Variants in INTS9 observed in about 807,000 individuals in gnomAD.
INTS9 encodes the protein protein related to CPSF subunits of 74 kDa.
INTS9 carries 55 observed loss-of-function variants against 79.7 expected under a neutral mutation model. The observed-to-expected ratio is 0.69, with a 90% CI of 0.56 to 0.86. The LOEUF is 0.86. Ranked by LOEUF, INTS9 falls within the 40% of genes least tolerant of loss-of-function variation. The probability of loss-of-function intolerance (pLI) is 0.00; values close to 1 mark genes in which losing one functional copy is unlikely to be tolerated. For synonymous variants in INTS9, 319 were observed against 325.2 expected, an observed-to-expected ratio of 0.98 and a Z score of 0.20; for missense variants, 721 against 831.5, an observed-to-expected ratio of 0.87 and a Z score of 1.64.
At chr8:28,782,537 A>G (rs1257377898) in intron 11 of INTS9, among the ~76,000 whole-genome samples, 2 of 152,272 alleles carry the variant, frequency 1.3e-5, no homozygotes, top group Non-Finnish European at 2.9e-5. Flanking sequence ...GTGTGCACAC[A>G]TGCACACATA....
chr8:28,800,190 C>T (rs1804444259), intron 8 of INTS9, among the ~76,000 whole-genome samples: 1 of 152,206 alleles, frequency 6.6e-6, no homozygotes, highest in Non-Finnish European at 1.5e-5. Context: ...ATTTACTAAA[C>T]AAACATTTGC....
At chr8:28,768,469 G>C in intron 16 of INTS9, 147 bp from the exon 17 acceptor site, 1 of 722,364 alleles carries the variant, frequency 1.4e-6, no homozygotes, top group South Asian at 1.6e-5. Context: ...CTATGATAGT[G>C]ATAGTTTCTT....
At chr8:28,802,967 T>C (rs62502773) in intron 8 of INTS9, among the ~76,000 whole-genome samples, 1 of 149,228 alleles carries the variant, frequency 6.7e-6, no homozygotes, top group African/African-American at 2.5e-5. Context: ...AAAAAAAAAT[T>C]AGCCAGATGT....
chr8:28,788,419 C>T (rs1803737894), intron 10 of INTS9, among the ~76,000 whole-genome samples: 1 of 152,164 alleles, frequency 6.6e-6, no homozygotes, highest in South Asian at 2.1e-4. Flanking sequence ...CTGTTTTTGT[C>T]CATGCACTTT....
chr8:28,881,136 C>A (rs1159322264), intron 1 of INTS9, among the ~76,000 whole-genome samples: 4 of 141,516 alleles, frequency 2.8e-5, no homozygotes, highest in Admixed American at 1.3e-4. Flanking sequence ...GGGGGGTCAG[C>A]CCCCCGCCCG....
At chr8:28,824,807 T>C (rs867103758) in intron 6 of INTS9, among the ~76,000 whole-genome samples, 1 of 152,216 alleles carries the variant, frequency 6.6e-6, no homozygotes, top group African/African-American at 2.4e-5. Flanking sequence ...TAGGTTTACA[T>C]CTGGGAGTTA....
In INTS9 at chr8:28,878,890, G is replaced by C. The variant is rs534535586; in HGVS notation, c.9+10984C>G. Among the ~76,000 whole-genome samples, 169 of 151,770 alleles carry C rather than the reference G, an allele frequency of 1.1e-3. 1 individual carries two copies. The highest frequency in any genetic ancestry group is 4.0e-3 in the African/African-American group (164 of 41,370). On this transcript the variant is annotated intron_variant, in intron 1 of 16. Transcript: ENST00000521022. ...AGCTATTCTGGAGGCTGAGGCATGA[G>C]AATCGCTTGAGCCCGGGAGGTAGAG...
chr8:28,811,958 G>A (rs1178580150), intron 8 of INTS9, among the ~76,000 whole-genome samples: 2 of 152,160 alleles, frequency 1.3e-5, no homozygotes, highest in Non-Finnish European at 2.9e-5. Flanking sequence ...TGCTTTGCCC[G>A]TTGGTCACCA....
At chr8:28,881,165 G>C (rs1356705679) in intron 1 of INTS9, among the ~76,000 whole-genome samples, 1 of 148,910 alleles carries the variant, frequency 6.7e-6, no homozygotes, top group African/African-American at 2.5e-5. Context: ...CCCCGTCCGG[G>C]AGGTGAGGGG....
chr8:28,817,630 T>C (rs1162753654), intron 6 of INTS9, among the ~76,000 whole-genome samples: 2 of 151,876 alleles, frequency 1.3e-5, no homozygotes, highest in Non-Finnish European at 2.9e-5. Context: ...ACTGACTTGG[T>C]GATGTGGGCT....
intron 1 of INTS9, among the ~76,000 whole-genome samples, chr8:28,879,984 TAA>T (rs1210649564): frequency 1.3e-5 from 2 of 152,108 alleles, no homozygotes; most frequent in Non-Finnish European, 2.9e-5. Flanking sequence ...TGAAATCTAC[TAA>T]AAGTCATTGA....
intron 8 of INTS9, among the ~76,000 whole-genome samples, chr8:28,801,505 AC>A (rs34969103): frequency 0.72 from 107,282 of 149,974 alleles, 38,491 homozygotes; most frequent in Non-Finnish European, 0.76. Flanking sequence ...AAACAAACAA[AC>A]AAAAAAACAA....
chr8:28,816,045 T>G (rs1292722761), intron 6 of INTS9, among the ~76,000 whole-genome samples: 1 of 151,796 alleles, frequency 6.6e-6, no homozygotes, highest in Admixed American at 6.6e-5. Flanking sequence ...CAATGTTTAA[T>G]ATTAGAAAAA....
rs1312527489 is a variant in INTS9, at chr8:28,870,312, A to G, written c.10-10749T>C. 3.9e-5 allele frequency among the ~76,000 whole-genome samples: 4 copies of G among 101,490 alleles called. No individual in the cohort carries two copies. The East Asian group carries it at 9.1e-4, about 23-fold the overall frequency. 66.6% of individuals were successfully genotyped at this position (101,490 alleles called of 152,430 possible). ...TCCTTGACTACTACTTCTTTTAAAC[A>G]TTAACCATTTTTTTTTTTTTTAGAA... On this transcript the variant is annotated intron_variant, in intron 1 of 16. Transcript: ENST00000521022.
intron 1 of INTS9, among the ~76,000 whole-genome samples, chr8:28,868,523 A>G (rs1367860031): frequency 2.0e-5 from 3 of 152,036 alleles, no homozygotes; most frequent in Admixed American, 6.5e-5. Context: ...TCCGTTTTCT[A>G]TTTAACCAAC....
intron 1 of INTS9, among the ~76,000 whole-genome samples, chr8:28,876,296 T>C (rs2131356670): frequency 6.6e-6 from 1 of 152,280 alleles, no homozygotes. Flanking sequence ...TTTCTATGAG[T>C]CTGTTATGCA....
Position 28,889,935 on chromosome 8 carries a change from G to A in INTS9, c.-53C>T, listed in dbSNP as rs148600039. 3 of 1,515,786 alleles carry A rather than the reference G, an allele frequency of 2.0e-6. No individual in the cohort carries two copies. Among genetic ancestry groups the A allele is most frequent in the East Asian group, 4.5e-5 (2 of 44,198 alleles). 93.9% of individuals were successfully genotyped at this position (1,515,786 alleles called of 1,614,324 possible). The stretch of plus-strand genomic sequence containing the variant: ...TCACTGAACTCCTCAAACCCAGGAA[G>A]CGTCTTCCGGTGCAATCTCCGCCAC... On this transcript the variant is annotated 5_prime_UTR_variant, in exon 1 of 17. Transcript: ENST00000521022.
intron 10 of INTS9, among the ~76,000 whole-genome samples, chr8:28,790,873 T>A (rs1191831651): frequency 6.6e-6 from 1 of 152,104 alleles, no homozygotes; most frequent in African/African-American, 2.4e-5. Flanking sequence ...ATTGGACAAG[T>A]TTCACCTGCA....
intron 6 of INTS9, among the ~76,000 whole-genome samples, chr8:28,833,940 C>A (rs145319763): frequency 6.6e-6 from 1 of 152,268 alleles, no homozygotes; most frequent in East Asian, 1.9e-4. Context: ...TACGGCAACT[C>A]ACCTCTCCGG....
Sources: gnomAD v4.1 joint callset for allele counts (sites outside exome capture counted in the v4.1 genomes callset) on GRCh38, gnomAD v4.1.1 for gene constraint, MANE v1.5 for transcripts, NCBI Gene and HGNC (gene_info 2026-07-23, HGNC 2026-07-21) for gene names.